DDX42: variants seen among roughly 807,000 people sequenced by gnomAD.
The protein encoded by DDX42 is ATP-dependent RNA helicase DDX42.
In DDX42, 22 loss-of-function variants were observed where a neutral mutation model predicts 101.5. The ratio of observed to expected loss-of-function variants is 0.22; its 90% CI spans 0.15 to 0.31. The LOEUF is 0.31. Ranked by LOEUF, DDX42 falls within the 10% of genes least tolerant of loss-of-function variation. DDX42 has a pLI of 1.00. For missense variants in DDX42, 849 were observed against 1,199.9 expected (o/e 0.71, Z 4.32); for synonymous variants, 402 against 401.2 (o/e 1.00, Z -0.02).
chr17:63,802,931 G>C (rs28883995), intron 6 of DDX42, among the ~76,000 whole-genome samples: 6,358 of 149,972 alleles, frequency 0.042, 471 homozygotes, highest in African/African-American at 0.15. Context: ...AAAAATTCAA[G>C]CTTTCAAGCA....
intron 2 of DDX42, among the ~76,000 whole-genome samples, chr17:63,790,279 C>T (rs186308709): frequency 1.3e-5 from 2 of 152,122 alleles, no homozygotes; most frequent in Non-Finnish European, 1.5e-5. Context: ...GCTATTGCTA[C>T]ATTAGTATAC....
chr17:63,807,862 G>T lies in DDX42; in HGVS notation c.985G>T (p.Ala329Ser). 3 of 1,614,000 alleles carry T rather than the reference G, an allele frequency of 1.9e-6. No homozygotes were observed. The South Asian group carries it at 3.3e-5, about 18-fold the overall frequency. The change falls in exon 9 of 18, where the codon GCA (alanine) becomes TCA (serine). Residue 329 changes from alanine to serine, a missense_variant. By Grantham distance (99) the Ala-to-Ser change is moderately conservative. Around this residue, in one of 5 missense-constraint regions of DDX42, gnomAD observed 370 missense variants for 608.8 expected, o/e 0.61. Transcript: ENST00000389924. Reference protein sequence around the residue: ...KELEPGDGPIAVIVCPTRELC... With the variant: ...KELEPGDGPISVIVCPTRELC... ...GTTGGAACCAGGTGATGGACCAATTGCAGTGATTGTGTGTCCTACCAGGGA... is the reference window on the plus strand; with the variant it reads ...GTTGGAACCAGGTGATGGACCAATTTCAGTGATTGTGTGTCCTACCAGGGA...
Position 63,818,314 on chromosome 17 carries a change from G to C in DDX42, c.2733G>C (p.Lys911Asn). 1 of 1,614,038 alleles carries C rather than the reference G, an allele frequency of 6.2e-7. No homozygotes were observed. Among genetic ancestry groups the C allele is most frequent in the Non-Finnish European group, 8.5e-7 (1 of 1,179,938 alleles). ...AAGTGGACAGCAGCAAGATGGACAA[G>C]GTGGACAGCAAGACAGATAAGACAG... The part of the protein sequence containing the change: ...EPKVDSSKMD[K>N]VDSKTDKTAD... The change falls in exon 18 of 18, where the codon AAG becomes AAC. Residue 911 changes from lysine (K) to asparagine (N), a missense_variant. This residue lies in a region of DDX42 where 300 missense variants were observed against 304.9 expected (regional missense o/e 0.98). Coordinates refer to ENST00000389924, the MANE Select transcript of DDX42 (RefSeq NM_203499.3).
At chr17:63,787,805 C>T (rs923261668) in intron 2 of DDX42, among the ~76,000 whole-genome samples, 2 of 152,020 alleles carry the variant, frequency 1.3e-5, no homozygotes, top group African/African-American at 4.8e-5. Flanking sequence ...GGTGCCATTG[C>T]ACTCCAACCT....
chr17:63,807,617 C>G (rs907573214), intron 8 of DDX42, 107 bp from the exon 9 acceptor site: 8 of 1,032,846 alleles, frequency 7.7e-6, no homozygotes, highest in Admixed American at 6.8e-5. Flanking sequence ...ATGTTTTGTT[C>G]CATTGCAAAT....
intron 6 of DDX42, among the ~76,000 whole-genome samples, chr17:63,800,898 TC>T (rs2039755830): frequency 2.1e-5 from 3 of 140,596 alleles, no homozygotes; most frequent in African/African-American, 8.2e-5. Context: ...TCTTTCTTTC[TC>T]TTTCTTTCTT....
At chr17:63,804,387 GACT>G (rs2039812732) in intron 6 of DDX42, among the ~76,000 whole-genome samples, 1 of 152,008 alleles carries the variant, frequency 6.6e-6, no homozygotes, top group African/African-American at 2.4e-5. Flanking sequence ...TAATAGAAGT[GACT>G]ACTACTTTCT....
intron 3 of DDX42, among the ~76,000 whole-genome samples, chr17:63,794,527 T>C (rs1010173589): frequency 1.3e-5 from 2 of 151,778 alleles, no homozygotes; most frequent in South Asian, 4.2e-4. Context: ...AACCAAAAAC[T>C]ATCACTTTAG....
intron 5 of DDX42, chr17:63,800,209 G>A: frequency 2.7e-6 from 1 of 374,996 alleles, no homozygotes; most frequent in Non-Finnish European, 4.8e-6. Flanking sequence ...ACTCCAGGAA[G>A]GCTGTGGAAC....
In DDX42 at chr17:63,818,478, TG is replaced by T; in HGVS notation, c.*84del. 1 of 1,402,450 alleles carries T rather than the reference TG, an allele frequency of 7.1e-7. No homozygotes were observed. Among genetic ancestry groups the T allele is most frequent in the East Asian group, 2.4e-5 (1 of 40,918 alleles). 86.9% of individuals were successfully genotyped at this position (1,402,450 alleles called of 1,614,324 possible). A position where few individuals can be genotyped will look rare whatever the true frequency, so the allele number is the denominator to read the frequency against. The stretch of plus-strand genomic sequence containing the variant: ...GTAACTAGGTGTCTCAGGGCTGGGT[TG>T]GGGTCCAAAGTGTAAGGACCCCCTG... On this transcript the variant is annotated 3_prime_UTR_variant, in exon 18 of 18. Coordinates refer to ENST00000389924, the MANE Select transcript of DDX42 (RefSeq NM_203499.3).
chr17:63,810,086 G>A (rs911321831), intron 11 of DDX42, among the ~76,000 whole-genome samples: 5 of 151,904 alleles, frequency 3.3e-5, no homozygotes, highest in Non-Finnish European at 7.4e-5. Context: ...TGAATGATAT[G>A]TTTAGGAGCT....
At chr17:63,780,318 T>C (rs1167139800) in intron 1 of DDX42, among the ~76,000 whole-genome samples, 1 of 143,610 alleles carries the variant, frequency 7.0e-6, no homozygotes, top group Non-Finnish European at 1.5e-5. Flanking sequence ...AAAAAAAAAG[T>C]AGGAAAAACT....
rs1296195725 is a variant in DDX42 at position 63,807,915 on chromosome 17, T to G, written c.1023+15T>G. 6.2e-7 allele frequency: 1 copy of G among 1,605,282 alleles called. No individual in the cohort carries two copies. Among genetic ancestry groups the G allele is most frequent in the Non-Finnish European group, 8.5e-7 (1 of 1,175,426 alleles). On this transcript the variant is annotated intron_variant, in intron 9 of 17. Transcript: ENST00000389924. ...TTTGCCAGCAGGTATGTGCTTTCTA[T>G]AGAATGCCTCCTTCCATATGTGGAC...
intron 1 of DDX42, among the ~76,000 whole-genome samples, chr17:63,776,721 C>T (rs2039425995): frequency 6.6e-6 from 1 of 151,744 alleles, no homozygotes; most frequent in Non-Finnish European, 1.5e-5. Context: ...CTGCCTCAGC[C>T]TCCCAGAGTG....
intron 7 of DDX42, 172 bp from the exon 8 acceptor site, chr17:63,806,363 A>G (rs1447594675): frequency 1.4e-5 from 7 of 497,378 alleles, no homozygotes; most frequent in Non-Finnish European, 2.0e-5. Flanking sequence ...TATGAGGTTT[A>G]TATTTGTTAC....
intron 1 of DDX42, among the ~76,000 whole-genome samples, chr17:63,781,010 A>G (rs2039481475): frequency 6.6e-6 from 1 of 152,132 alleles, no homozygotes; most frequent in Admixed American, 6.5e-5. Context: ...ATGTTTCTTT[A>G]AAAAATAAAA....
chr17:63,811,887 G>C (rs1470812763), intron 13 of DDX42, 45 bp from the exon 14 acceptor site: 1 of 1,613,282 alleles, frequency 6.2e-7, no homozygotes, highest in Non-Finnish European at 8.5e-7. Context: ...CAGGTGCCCT[G>C]TGGCTCCAAT....
chr17:63,812,246 G>A, intron 14 of DDX42, 38 bp downstream of exon 14: 1 of 1,590,168 alleles, frequency 6.3e-7, no homozygotes. Context: ...AAGTTCCTAG[G>A]CTATAAGGGT....
chr17:63,819,037 CTGTTCCAGGAT>C lies in DDX42; in HGVS notation c.*642_*652del, dbSNP rs2040015598. 6.6e-6 allele frequency: 1 copy of C among 152,494 alleles called. No individual in the cohort carries two copies. Among genetic ancestry groups the C allele is most frequent in the South Asian group, 2.1e-4 (1 of 4,834 alleles). The allele number at this position is 152,494 out of a possible 1,614,324, so 9.4% of individuals were successfully genotyped here. A position where few individuals can be genotyped will look rare whatever the true frequency, so the allele number is the denominator to read the frequency against. ...TGAAGGGAAAAGGTGATCCTGGTAA[CTGTTCCAGGAT>C]TGCTCCAGGTTTGAGATGGTATTGC... On this transcript the variant is annotated 3_prime_UTR_variant, in exon 18 of 18. Coordinates refer to ENST00000389924, the MANE Select transcript of DDX42 (RefSeq NM_203499.3).
Sources: gnomAD v4.1 joint callset for allele counts (sites outside exome capture counted in the v4.1 genomes callset) on GRCh38, gnomAD v4.1.1 for gene constraint, gnomAD v4.1.1 regional missense constraint, MANE v1.5 for transcripts, NCBI Gene and HGNC (gene_info 2026-07-23, HGNC 2026-07-21) for gene names.